MSH3: variants seen among roughly 807,000 people sequenced by gnomAD.
MSH3 encodes DNA mismatch repair protein Msh3.
In MSH3, 106 loss-of-function variants were observed where a neutral mutation model predicts 123.3. The ratio of observed to expected loss-of-function variants is 0.86; its 90% CI spans 0.73 to 1.01. MSH3 has a LOEUF of 1.01. MSH3 is among the 50% of genes least tolerant of loss of function. The probability of loss-of-function intolerance (pLI) is 0.00; values close to 1 mark genes in which losing one functional copy is unlikely to be tolerated. For missense variants in MSH3, 1,459 were observed against 1,347.6 expected (o/e 1.08, Z -1.29); for synonymous variants, 515 against 481.4 (o/e 1.07, Z -0.91).
At chr5:80,722,751 G>T (rs1457964191) in intron 8 of MSH3, among the ~76,000 whole-genome samples, 1 of 152,166 alleles carries the variant, frequency 6.6e-6, no homozygotes, top group Non-Finnish European at 1.5e-5. Flanking sequence ...CTTTGATAAT[G>T]TGATACCTCT....
intron 12 of MSH3, among the ~76,000 whole-genome samples, chr5:80,752,262 G>A (rs867839702): frequency 6.3e-4 from 96 of 152,072 alleles, no homozygotes; most frequent in Middle Eastern, 6.8e-3. Flanking sequence ...AAGAGGTAAG[G>A]TGTGTTACTC....
intron 8 of MSH3, among the ~76,000 whole-genome samples, chr5:80,712,260 C>T (rs997411830): frequency 6.6e-6 from 1 of 152,086 alleles, no homozygotes; most frequent in African/African-American, 2.4e-5. Flanking sequence ...TTTTTCTCTT[C>T]TTTCTCTTTT....
At chr5:80,670,444 A>G in intron 4 of MSH3, 135 bp downstream of exon 4, 1 of 973,440 alleles carries the variant, frequency 1.0e-6, no homozygotes, top group Non-Finnish European at 1.5e-6. Flanking sequence ...ACTGTTATGT[A>G]AAGTAAAAAC....
intron 8 of MSH3, among the ~76,000 whole-genome samples, chr5:80,686,930 A>G (rs1199101640): frequency 2.0e-5 from 3 of 152,214 alleles, no homozygotes; most frequent in Admixed American, 2.0e-4. Flanking sequence ...TTAAAATATT[A>G]GGGTTTTTGG....
In MSH3 at chr5:80,670,142, A is replaced by G. The variant is rs1749671290; in HGVS notation, c.625A>G (p.Ser209Gly). 1 of 1,614,066 alleles carries G rather than the reference A, an allele frequency of 6.2e-7. No individual in the cohort carries two copies. The highest frequency in any genetic ancestry group is 1.1e-5 in the South Asian group (1 of 91,084). ...DLSQFGSSNT[S>G]HENLQKTASK... ...CAGTCAGTTTGGATCATCAAATACA[A>G]GTCATGAAAATTTACAGAAAACTGC... The change falls in exon 4 of 24, where the codon AGT becomes GGT. Residue 209 changes from serine to glycine, a missense_variant. Ser to Gly is a moderately conservative substitution (Grantham distance 56, BLOSUM62 0). Transcript: ENST00000265081.
intron 11 of MSH3, 21 bp downstream of exon 11, chr5:80,741,569 A>G: frequency 6.5e-7 from 1 of 1,548,756 alleles, no homozygotes. Flanking sequence ...TACAAGGGCT[A>G]GTTGATTATA....
At chr5:80,689,954 A>G (rs887580850) in intron 8 of MSH3, among the ~76,000 whole-genome samples, 1 of 152,086 alleles carries the variant, frequency 6.6e-6, no homozygotes, top group Non-Finnish European at 1.5e-5. Context: ...TGGTGCGGTC[A>G]TAGCTCATTG....
chr5:80,657,851 G>C (rs1220764199), intron 2 of MSH3, among the ~76,000 whole-genome samples: 1 of 137,148 alleles, frequency 7.3e-6, no homozygotes, highest in South Asian at 2.3e-4. Flanking sequence ...GGTCATGCAA[G>C]GAGGCGTGAC....
At chr5:80,739,565 A>T (rs1028257083) in intron 10 of MSH3, among the ~76,000 whole-genome samples, 5 of 152,248 alleles carry the variant, frequency 3.3e-5, no homozygotes, top group African/African-American at 1.2e-4. Context: ...GAGGCACAAC[A>T]TAAATTGCTG....
chr5:80,689,610 A>C (rs1750181604), intron 8 of MSH3, among the ~76,000 whole-genome samples: 1 of 152,144 alleles, frequency 6.6e-6, no homozygotes, highest in South Asian at 2.1e-4. Context: ...GAAACAAATA[A>C]AATATAAATG....
intron 19 of MSH3, among the ~76,000 whole-genome samples, chr5:80,794,910 A>G (rs1204745023): frequency 1.3e-5 from 2 of 152,196 alleles, no homozygotes; most frequent in African/African-American, 4.8e-5. Flanking sequence ...CCATGGTTGG[A>G]TGTGGCAGAA....
chr5:80,726,778 C>A (rs1456895401), intron 9 of MSH3, among the ~76,000 whole-genome samples: 1 of 152,082 alleles, frequency 6.6e-6, no homozygotes, highest in Admixed American at 6.5e-5. Flanking sequence ...CCAAGTGTAT[C>A]CCACTTCTAA....
intron 17 of MSH3, among the ~76,000 whole-genome samples, chr5:80,780,110 T>C (rs1163305061): frequency 2.0e-5 from 3 of 152,222 alleles, no homozygotes; most frequent in Non-Finnish European, 2.9e-5. Context: ...GATTTATTGA[T>C]AGTCATGTGT....
At position 80,845,658 on chromosome 5, in the gene MSH3, C is replaced by T. The variant is rs372591711; in HGVS notation, c.2814-8472C>T. ...CACTTTATTTCATTAATTTGATCTT[C>T]GGTCGCTGATATCCTTTCTTCCACT... On this transcript the variant is annotated intron_variant, in intron 20 of 23. Transcript: ENST00000265081. 1.3e-3 allele frequency among the ~76,000 whole-genome samples: 202 copies of T among 152,272 alleles called. 1 individual carries two copies. Among genetic ancestry groups the T allele is most frequent in the African/African-American group, 4.5e-3 (189 of 41,548 alleles).
chr5:80,824,423 C>T (rs529891610), intron 20 of MSH3, among the ~76,000 whole-genome samples: 32 of 150,812 alleles, frequency 2.1e-4, no homozygotes, highest in East Asian at 1.6e-3. Context: ...CCAGACGGGG[C>T]GGCTGGCCGG....
In MSH3 at chr5:80,842,192, T is replaced by G. The variant is rs543305156; in HGVS notation, c.2814-11938T>G. Among the ~76,000 whole-genome samples, 13 of 152,314 alleles carry G rather than the reference T, an allele frequency of 8.5e-5. No individual in the cohort carries two copies. The East Asian group carries it at 2.5e-3, about 29-fold the overall frequency. On this transcript the variant is annotated intron_variant, in intron 20 of 23. Transcript: ENST00000265081. ...TTTCCCCATTGCTTGTTTTGTCAGG[T>G]TTGTCAAAGATCAGATGGTTGTAGA... is the stretch of plus-strand genomic sequence containing the variant.
chr5:80,751,501 G>A (rs1580018328), intron 12 of MSH3, among the ~76,000 whole-genome samples: 1 of 152,166 alleles, frequency 6.6e-6, no homozygotes, highest in East Asian at 1.9e-4. Context: ...TCCTTCTGAG[G>A]CCTATCAGGG....
At chr5:80,753,607 A>G (rs1187108202) in intron 12 of MSH3, among the ~76,000 whole-genome samples, 2 of 152,186 alleles carry the variant, frequency 1.3e-5, no homozygotes, top group Non-Finnish European at 2.9e-5. Flanking sequence ...AAGGCAATGC[A>G]TTGGTTAGGG....
At chr5:80,856,567 G>A (rs1157692786) in intron 21 of MSH3, among the ~76,000 whole-genome samples, 1 of 102,336 alleles carries the variant, frequency 9.8e-6, no homozygotes, top group African/African-American at 3.8e-5. Flanking sequence ...GGGGGGAGGG[G>A]GGAGGGATAG....
Sources: allele counts gnomAD v4.1 joint callset (sites outside exome capture counted in the v4.1 genomes callset), GRCh38; gene constraint gnomAD v4.1.1; transcripts MANE v1.5; gene names NCBI Gene and HGNC (gene_info 2026-07-23, HGNC 2026-07-21).